The following DHRS12 variants were observed in gnomAD, a reference collection of about 807,000 sequenced individuals.
DHRS12 encodes the protein dehydrogenase/reductase 12.
DHRS12 carries 29 observed loss-of-function variants against 32.1 expected under a neutral mutation model. That is an observed-to-expected ratio of 0.90 (90% confidence interval 0.67 to 1.23). The LOEUF (loss-of-function observed/expected upper bound fraction) is 1.23. Ranked by LOEUF, DHRS12 falls within the 50% of genes most tolerant of loss-of-function variation. The probability of loss-of-function intolerance (pLI) is 0.00; values close to 1 mark genes in which losing one functional copy is unlikely to be tolerated. For synonymous variants in DHRS12, 150 were observed against 135.9 expected (o/e 1.10, Z -0.72); for missense variants, 330 against 337.2 (o/e 0.98, Z 0.17).
chr13:51,776,087 C>A (rs1392548453), intron 5 of DHRS12: 1 of 83,076 alleles, frequency 1.2e-5, no homozygotes, highest in Non-Finnish European at 2.4e-5. Context: ...CATGTATTCT[C>A]CTACATGTAT....
At chr13:51,802,443 T>A (rs745548421) in intron 1 of DHRS12, among the ~76,000 whole-genome samples, 3 of 152,226 alleles carry the variant, frequency 2.0e-5, no homozygotes, top group Non-Finnish European at 4.4e-5. Flanking sequence ...TTCCTGAAGC[T>A]GAGGTGACAG....
At position 51,772,846 on chromosome 13, in the gene DHRS12, T is replaced by C; in HGVS notation, c.469-935A>G. The C allele has an allele frequency of 3.0e-6, 3 of 985,420 alleles. No individual in the cohort carries two copies. In the African/African-American group the frequency reaches 5.2e-5, roughly 17 times the overall value. The allele number at this position is 985,420 out of a possible 1,614,324, so 61.0% of individuals were successfully genotyped here. On this transcript the variant is annotated intron_variant, in intron 6 of 8. Coordinates refer to ENST00000444610, the MANE Select transcript of DHRS12 (RefSeq NM_001377533.1). ...TGCAGGTCTTTCAAATGTCAGGATT[T>C]GGAGTCATGAGATGTAATTCACCAG...
chr13:51,767,585 G>GT (rs1482577754), downstream of DHRS12: 1 of 150,144 alleles, frequency 6.7e-6, no homozygotes, highest in Non-Finnish European at 1.5e-5. Context: ...TCACTAAGAG[G>GT]TAAAATGGTG....
rs746047641 is a variant in DHRS12, at chr13:51,802,218, C to CACACACA, written c.-9+1835_-9+1836insTGTGTGT. On this transcript the variant is annotated intron_variant, in intron 1 of 8. Transcript: ENST00000444610. ...ACACACACACACACACACACACACA[C>CACACACA]GACTTTCCCAAGGTCACCAGAAGGT... is the stretch of plus-strand genomic sequence containing the variant. Among the ~76,000 whole-genome samples the CACACACA allele has an allele frequency of 1.7e-3, 169 of 99,746 alleles. 1 individual carries two copies. The highest frequency in any genetic ancestry group is 2.1e-3 in the Non-Finnish European group (108 of 51,306). The allele number at this position is 99,746 out of a possible 152,430, so 65.4% of individuals were successfully genotyped here. A position where few individuals can be genotyped will look rare whatever the true frequency, so the allele number is the denominator to read the frequency against.
At chr13:51,756,571 T>G in the DHRS12 span, 1 of 1,450,266 alleles carries the variant, frequency 6.9e-7, no homozygotes, top group South Asian at 1.5e-5. Flanking sequence ...TCTGCTGGTT[T>G]AGAATATAGT....
intron 6 of DHRS12, among the ~76,000 whole-genome samples, chr13:51,772,169 G>A (rs1954055695): frequency 6.6e-6 from 1 of 152,118 alleles, no homozygotes; most frequent in South Asian, 2.1e-4. Flanking sequence ...AGGAATAGCA[G>A]GCCCACCCCC....
At chr13:51,763,032 T>C (rs1347302493), downstream of DHRS12, 2 of 152,230 alleles carry the variant, frequency 1.3e-5, no homozygotes, top group African/African-American at 4.8e-5. Flanking sequence ...TTTTAATTAT[T>C]TCCAGAAATC....
intron 4 of DHRS12, among the ~76,000 whole-genome samples, chr13:51,779,088 C>A (rs1463520078): frequency 6.6e-6 from 1 of 152,090 alleles, no homozygotes; most frequent in South Asian, 2.1e-4. Context: ...ATGCTGCATG[C>A]CAACCCATGC....
downstream of DHRS12, chr13:51,765,853 C>A (rs1279727990): frequency 6.6e-6 from 1 of 152,076 alleles, no homozygotes; most frequent in Non-Finnish European, 1.5e-5. Context: ...AAAATAGATA[C>A]CTCAAAATGT....
At chr13:51,755,682 A>AT in the DHRS12 span, among the ~76,000 whole-genome samples, 2 of 152,106 alleles carry the variant, frequency 1.3e-5, no homozygotes, top group Admixed American at 6.6e-5. Context: ...TAGGGATGTG[A>AT]TTTTAGAATT....
downstream of DHRS12, chr13:51,765,066 C>G (rs1007438298): frequency 6.6e-6 from 1 of 152,372 alleles, no homozygotes; most frequent in South Asian, 2.1e-4. Context: ...GGGGCACTTG[C>G]AACAGGAAGG....
chr13:51,758,543 C>T, the DHRS12 span, among the ~76,000 whole-genome samples: 4 of 142,978 alleles, frequency 2.8e-5, no homozygotes, highest in African/African-American at 1.1e-4. Flanking sequence ...AAAGCAAGAC[C>T]TCATCTCTTA....
intron 4 of DHRS12, among the ~76,000 whole-genome samples, chr13:51,778,926 T>C (rs1020184262): frequency 2.0e-5 from 3 of 152,194 alleles, no homozygotes; most frequent in Admixed American, 1.3e-4. Context: ...CACATATATG[T>C]GGGTGTCTGT....
intron 4 of DHRS12, among the ~76,000 whole-genome samples, chr13:51,789,218 C>A (rs1212636210): frequency 6.6e-6 from 1 of 152,150 alleles, no homozygotes; most frequent in African/African-American, 2.4e-5. Context: ...TGACCTAGAA[C>A]AATACTTAAT....
intron 1 of DHRS12, among the ~76,000 whole-genome samples, chr13:51,802,169 T>TCACA (rs56270918): frequency 0.017 from 2,396 of 139,816 alleles, 27 homozygotes; most frequent in Admixed American, 0.03. Flanking sequence ...TCTCTATTTT[T>TCACA]CACACACACA....
In DHRS12 at chr13:51,768,294, G is replaced by T. The variant is rs751442101; in HGVS notation, c.700C>A (p.Arg234=). The T allele has an allele frequency of 1.3e-6, 2 of 1,535,866 alleles. No individual in the cohort carries two copies. Among genetic ancestry groups the T allele is most frequent in the Non-Finnish European group, 1.7e-6 (2 of 1,146,908 alleles). The change falls in exon 9 of 9, where the codon CGG becomes AGG. Residue 234 remains arginine (R), a splice_region_variant and synonymous_variant. Coordinates refer to ENST00000444610, the MANE Select transcript of DHRS12 (RefSeq NM_001377533.1). ...GGCAAGTGTGTAGAAACTGGCTTCCGATCTAAAAGTGAGAGGGAACCGCAG... is the reference window on the plus strand; with the variant it reads ...GGCAAGTGTGTAGAAACTGGCTTCCTATCTAAAAGTGAGAGGGAACCGCAG... The part of the protein sequence containing the change: ...AQPSGRFFQD[R]KPVSTHLPLA...
At chr13:51,756,992 G>A in the DHRS12 span, among the ~76,000 whole-genome samples, 1 of 152,150 alleles carries the variant, frequency 6.6e-6, no homozygotes, top group Non-Finnish European at 1.5e-5. Context: ...GTGGAGGTGT[G>A]GGGGCAAATC....
At chr13:51,763,163 T>C (rs551782982), downstream of DHRS12, 3 of 152,344 alleles carry the variant, frequency 2.0e-5, no homozygotes, top group Admixed American at 2.0e-4. Flanking sequence ...TAAAAGAATG[T>C]TCAAGGAATA....
chr13:51,785,273 G>A (rs548688558), intron 4 of DHRS12, among the ~76,000 whole-genome samples: 1 of 151,884 alleles, frequency 6.6e-6, no homozygotes, highest in Non-Finnish European at 1.5e-5. Flanking sequence ...GCCTTTGTTC[G>A]TTAGGTATTT....
Sources: allele counts gnomAD v4.1 joint callset (sites outside exome capture counted in the v4.1 genomes callset), GRCh38; gene constraint gnomAD v4.1.1; transcripts MANE v1.5; gene names NCBI Gene and HGNC (gene_info 2026-07-23, HGNC 2026-07-21).